Variants in CRACD observed in about 807,000 individuals in gnomAD.
The protein encoded by CRACD is capping protein-inhibiting regulator of actin dynamics.
Under a neutral mutation model 106.8 loss-of-function variants are expected in CRACD, and 56 were observed. The ratio of observed to expected loss-of-function variants is 0.52; its 90% CI spans 0.42 to 0.66. The LOEUF (loss-of-function observed/expected upper bound fraction) is 0.66, where lower values mean the gene tolerates loss of function less well. CRACD is among the 30% of genes least tolerant of loss of function. CRACD has a pLI of 0.00. For synonymous variants in CRACD, 754 were observed against 670.8 expected, an observed-to-expected ratio of 1.12 and a Z score of -1.92; for missense variants, 1,730 against 1,623.2, an observed-to-expected ratio of 1.07 and a Z score of -1.13.
At chr4:56,299,846 C>CA (rs60808205) in intron 4 of CRACD, among the ~76,000 whole-genome samples, 68,684 of 136,320 alleles carry the variant, frequency 0.5, 16,918 homozygotes, top group East Asian at 0.88. Context: ...AATAAACGAG[C>CA]AAAAAAAAAA....
chr4:56,116,357 C>T (rs1734276707), intron 1 of CRACD, among the ~76,000 whole-genome samples: 2 of 152,190 alleles, frequency 1.3e-5, no homozygotes, highest in Admixed American at 1.3e-4. Context: ...TCACTGTAGG[C>T]ATGTTTGTCT....
At position 56,314,404 on chromosome 4, in the gene CRACD, A is replaced by C; in HGVS notation, c.902A>C (p.Glu301Ala). The change falls in exon 8 of 11, where the codon GAG becomes GCG. Residue 301 changes from glutamate to alanine, a missense_variant. Physicochemically the swap from Glu to Ala is moderately radical, Grantham distance 107. Around this residue, in one of 5 missense-constraint regions of CRACD, gnomAD observed 1,620 missense variants for 1,481.6 expected, o/e 1.09. Coordinates refer to ENST00000682029, the MANE Select transcript of CRACD (RefSeq NM_001393381.1). This position sits in a 1 kb window ranked among gnomAD's most constrained non-coding sequence, Gnocchi z 4.4. ...CGGAGCCTGGAAGCGCCAGGTTGGG[A>C]GGACGCGGAGCGGAGGGAGCGTGAG... ...QQRSLEAPGW[E>A]DAERREREER... The C allele has an allele frequency of 3.9e-6, 6 of 1,545,386 alleles. No homozygotes were observed. The highest frequency in any genetic ancestry group is 4.4e-6 in the Non-Finnish European group (5 of 1,145,204).
At chr4:56,248,103 A>G (rs1184771986) in intron 2 of CRACD, among the ~76,000 whole-genome samples, 1 of 152,242 alleles carries the variant, frequency 6.6e-6, no homozygotes, top group Non-Finnish European at 1.5e-5. Flanking sequence ...TACTCAGCTT[A>G]TCATTCCAAT....
chr4:56,206,342 G>A (rs1468558051), intron 2 of CRACD, among the ~76,000 whole-genome samples: 1 of 152,150 alleles, frequency 6.6e-6, no homozygotes, highest in South Asian at 2.1e-4. Context: ...CACTGCATGC[G>A]TGCCCTGAGA....
intron 1 of CRACD, among the ~76,000 whole-genome samples, chr4:56,176,524 G>A (rs1736590709): frequency 6.7e-6 from 1 of 148,814 alleles, no homozygotes; most frequent in Non-Finnish European, 1.5e-5. Flanking sequence ...CACCTCCCAG[G>A]TTCACACCAT....
intron 2 of CRACD, among the ~76,000 whole-genome samples, chr4:56,271,596 T>C (rs1298357977): frequency 6.6e-6 from 1 of 152,138 alleles, no homozygotes; most frequent in Non-Finnish European, 1.5e-5. Flanking sequence ...ACTATCTGAC[T>C]TAAGTGTTTT....
At chr4:56,269,533 G>C (rs1021715605) in intron 2 of CRACD, among the ~76,000 whole-genome samples, 1 of 150,630 alleles carries the variant, frequency 6.6e-6, no homozygotes, top group Admixed American at 6.6e-5. Context: ...CATGGCAAAA[G>C]CAGGAGCAAG....
intron 2 of CRACD, among the ~76,000 whole-genome samples, chr4:56,223,053 AAGC>A (rs1739131894): frequency 6.6e-6 from 1 of 151,712 alleles, no homozygotes; most frequent in African/African-American, 2.4e-5. Context: ...AAAAAAAAAA[AAGC>A]AGCAGATCTT....
intron 1 of CRACD, among the ~76,000 whole-genome samples, chr4:56,110,085 C>G (rs1390678424): frequency 3.3e-5 from 5 of 152,052 alleles, no homozygotes; most frequent in Admixed American, 3.3e-4. Flanking sequence ...ATTGTTAAAG[C>G]TTTCAGAAAA....
At chr4:56,049,842 C>T (rs1053506305) in intron 1 of CRACD, 1 of 152,228 alleles carries the variant, frequency 6.6e-6, no homozygotes, top group African/African-American at 2.4e-5. Context: ...ACAAAGGTTT[C>T]CCCTGTTTAC....
chr4:56,210,963 G>C (rs1357232315), intron 2 of CRACD, among the ~76,000 whole-genome samples: 5 of 152,074 alleles, frequency 3.3e-5, no homozygotes, highest in Non-Finnish European at 1.5e-5. Flanking sequence ...CTAGAATAAA[G>C]CATTTTATTT....
At chr4:56,240,972 TGATG>T (rs1322130384) in intron 2 of CRACD, among the ~76,000 whole-genome samples, 1 of 152,174 alleles carries the variant, frequency 6.6e-6, no homozygotes, top group African/African-American at 2.4e-5. Flanking sequence ...GCTGTCAGCA[TGATG>T]GATGGGCCTG....
intron 2 of CRACD, among the ~76,000 whole-genome samples, chr4:56,261,022 G>A (rs1198673518): frequency 6.6e-6 from 1 of 152,172 alleles, no homozygotes; most frequent in East Asian, 1.9e-4. Context: ...GTAGCCAGCA[G>A]GGTCCAGCAC....
chr4:56,214,677 C>CTATA (rs748365524), intron 2 of CRACD, among the ~76,000 whole-genome samples: 826 of 68,838 alleles, frequency 0.012, 16 homozygotes, highest in African/African-American at 0.035. Context: ...CTCTCTCTCT[C>CTATA]TCTCTATATA....
chr4:56,145,587 C>A (rs1305918007), intron 1 of CRACD, among the ~76,000 whole-genome samples: 1 of 151,806 alleles, frequency 6.6e-6, no homozygotes, highest in Non-Finnish European at 1.5e-5. Context: ...TTAATTTCTG[C>A]TTTTATTTTC....
At chr4:56,141,860 T>A (rs947550995) in intron 1 of CRACD, among the ~76,000 whole-genome samples, 1 of 151,332 alleles carries the variant, frequency 6.6e-6, no homozygotes, top group African/African-American at 2.4e-5. Context: ...TGTTGGCTAG[T>A]TTAAAAAAAA....
chr4:56,105,725 A>G (rs1733929227), intron 1 of CRACD, among the ~76,000 whole-genome samples: 1 of 152,150 alleles, frequency 6.6e-6, no homozygotes, highest in African/African-American at 2.4e-5. Flanking sequence ...TCTGACCTTT[A>G]ATAGCTTTGT....
At chr4:56,210,543 A>G (rs529710618) in intron 2 of CRACD, among the ~76,000 whole-genome samples, 1 of 152,210 alleles carries the variant, frequency 6.6e-6, no homozygotes, top group Admixed American at 6.5e-5. Context: ...GCAGCTTTAA[A>G]GAGAGGACAC....
chr4:56,283,169 G>A (rs1422225056), intron 3 of CRACD, among the ~76,000 whole-genome samples: 1 of 152,098 alleles, frequency 6.6e-6, no homozygotes, highest in Non-Finnish European at 1.5e-5. Flanking sequence ...CAGGACCATG[G>A]GGTGTGACAA....
Sources: allele counts gnomAD v4.1 joint callset (sites outside exome capture counted in the v4.1 genomes callset), GRCh38; gene constraint gnomAD v4.1.1; regional missense constraint gnomAD v4.1.1; non-coding constraint Gnocchi (gnomAD v3.1); transcripts MANE v1.5; gene names NCBI Gene and HGNC (gene_info 2026-07-23, HGNC 2026-07-21).